HTT: variants seen among roughly 807,000 people sequenced by gnomAD.
HTT encodes the protein huntington disease protein.
In HTT, 104 loss-of-function variants were observed where a neutral mutation model predicts 362.3. The ratio of observed to expected loss-of-function variants is 0.29; its 90% CI spans 0.24 to 0.34. HTT has a LOEUF of 0.34. Ranked by LOEUF, HTT falls within the 10% of genes least tolerant of loss-of-function variation. HTT has a pLI of 1.00. For missense variants in HTT, 3,301 were observed against 3,928.6 expected (o/e 0.84, Z 4.27); for synonymous variants, 1,577 against 1,548.7 (o/e 1.02, Z -0.43).
At chr4:3,127,932 C>G (rs536622753) in intron 12 of HTT, among the ~76,000 whole-genome samples, 28 of 151,962 alleles carry the variant, frequency 1.8e-4, no homozygotes, top group African/African-American at 6.5e-4. Context: ...ACACTGCACT[C>G]CAGCCCGGGC....
intron 7 of HTT, among the ~76,000 whole-genome samples, chr4:3,115,768 C>G (rs1398697445): frequency 6.6e-6 from 1 of 152,176 alleles, no homozygotes; most frequent in East Asian, 1.9e-4. Flanking sequence ...TGCGGGTTCT[C>G]TGTAGGTCAG....
intron 61 of HTT, among the ~76,000 whole-genome samples, chr4:3,234,656 GGT>G (rs1721432488): frequency 6.6e-6 from 1 of 152,214 alleles, no homozygotes; most frequent in East Asian, 1.9e-4. Context: ...AGGTAGAAAT[GGT>G]GCGTGGGGCT....
chr4:3,164,549 G>A (rs1185927101), intron 29 of HTT, among the ~76,000 whole-genome samples: 1 of 152,098 alleles, frequency 6.6e-6, no homozygotes, highest in African/African-American at 2.4e-5. Flanking sequence ...CACTATTACC[G>A]GGTGGGAGTC....
chr4:3,163,506 A>C (rs946876403), intron 29 of HTT, among the ~76,000 whole-genome samples: 4 of 152,206 alleles, frequency 2.6e-5, no homozygotes, highest in African/African-American at 9.7e-5. Context: ...GAATGGTACC[A>C]TCTCCTCTTT....
intron 1 of HTT, among the ~76,000 whole-genome samples, chr4:3,079,042 T>A (rs966302873): frequency 2.6e-5 from 4 of 152,090 alleles, no homozygotes; most frequent in Admixed American, 6.6e-5. Flanking sequence ...TGAGCCACTG[T>A]GCCCGGCCAC....
intron 3 of HTT, among the ~76,000 whole-genome samples, chr4:3,101,155 G>C (rs1358517109): frequency 2.0e-5 from 3 of 152,216 alleles, no homozygotes; most frequent in African/African-American, 7.2e-5. Context: ...AACAGAAACT[G>C]TTCTAATATT....
rs549267447 is a variant in HTT at position 3,148,581 on chromosome 4, A to G, written c.3498+374A>G. Among the ~76,000 whole-genome samples the G allele has an allele frequency of 6.4e-4, 97 of 152,186 alleles. No individual in the cohort carries two copies. The South Asian group carries it at 0.019, about 30-fold the overall frequency. ...GGGAGGCCGAGGTGGGCGGATCACGAGGTCAAGAGATCAAGACCATCCTGG... is the reference window on the plus strand; with the variant it reads ...GGGAGGCCGAGGTGGGCGGATCACGGGGTCAAGAGATCAAGACCATCCTGG... On this transcript the variant is annotated intron_variant, in intron 26 of 66. Transcript: ENST00000355072.
At chr4:3,222,509 G>A in intron 54 of HTT, 22 bp downstream of exon 54, 1 of 1,582,942 alleles carries the variant, frequency 6.3e-7, no homozygotes, top group Non-Finnish European at 8.7e-7. Flanking sequence ...CCCTGTGCTG[G>A]TTGGCACATG....
At position 3,228,581 on chromosome 4, in the gene HTT, C is replaced by T. The variant is rs774533596; in HGVS notation, c.7849-34C>T. 2.2e-5 allele frequency: 34 copies of T among 1,525,614 alleles called. No individual in the cohort carries two copies. In the South Asian group the frequency reaches 2.3e-4, roughly 10 times the overall value. 94.5% of individuals were successfully genotyped at this position (1,525,614 alleles called of 1,614,324 possible). On this transcript the variant is annotated intron_variant, in intron 57 of 66. Transcript: ENST00000355072. This position sits in a 1 kb window ranked among gnomAD's most constrained non-coding sequence, Gnocchi z 4.3. Reference sequence around the variant, plus strand: ...CCCACCAGGAGCCTGGCACTGTGGCCGCAGCACTGAGCAGTGCCCCGTTTC... The same window carrying T: ...CCCACCAGGAGCCTGGCACTGTGGCTGCAGCACTGAGCAGTGCCCCGTTTC...
Position 3,172,882 on chromosome 4 carries a change from T to C in HTT, c.3943-26T>C, listed in dbSNP as rs1216262096. On this transcript the variant is annotated intron_variant, in intron 30 of 66. Coordinates refer to ENST00000355072, the MANE Select transcript of HTT (RefSeq NM_001388492.1). ...TAAAAGTGTTGTTCACGCCACATTG[T>C]TGATGCCTCATTTTTTTCACTGTAG... The C allele has an allele frequency of 4.6e-6, 7 of 1,514,004 alleles. No individual in the cohort carries two copies. The Admixed American group carries it at 1.2e-4, about 25-fold the overall frequency. The allele number at this position is 1,514,004 out of a possible 1,614,324, so 93.8% of individuals were successfully genotyped here.
At position 3,086,658 on chromosome 4, in the gene HTT, A is replaced by G. The variant is rs11943917; in HGVS notation, c.264-281A>G. Among the ~76,000 whole-genome samples the G allele has an allele frequency of 6.2e-3, 946 of 152,298 alleles. 11 individuals carry two copies. The highest frequency in any genetic ancestry group is 0.022 in the African/African-American group (914 of 41,562). On this transcript the variant is annotated intron_variant, in intron 1 of 66. Transcript: ENST00000355072. ...CGTACTCCAGCCTGGGCAGCAGAGC[A>G]AGATCCTGACTCTAAAAAAAAGTAA...
chr4:3,136,018 G>C, intron 20 of HTT, 51 bp downstream of exon 20: 1 of 1,310,090 alleles, frequency 7.6e-7, no homozygotes, highest in Non-Finnish European at 1.1e-6. Flanking sequence ...GAAGGTGAAA[G>C]TGAGGCTTTC....
At position 3,084,613 on chromosome 4, in the gene HTT, C is replaced by T. The variant is rs568588014; in HGVS notation, c.264-2326C>T. Among the ~76,000 whole-genome samples the T allele has an allele frequency of 5.0e-4, 76 of 151,352 alleles. 2 individuals are homozygous for T. Among genetic ancestry groups the T allele is most frequent in the Admixed American group, 2.3e-3 (35 of 15,206 alleles). ...GCTGAGGCAAGAGAACTGCTTGAACCCGAGGGGCAGAGGTTGCAGTGAGCT... is the reference window on the plus strand; with the variant it reads ...GCTGAGGCAAGAGAACTGCTTGAACTCGAGGGGCAGAGGTTGCAGTGAGCT... On this transcript the variant is annotated intron_variant, in intron 1 of 66. Transcript: ENST00000355072.
At chr4:3,230,187 G>A (rs1394036407) in intron 60 of HTT, 145 bp downstream of exon 60, 1 of 655,672 alleles carries the variant, frequency 1.5e-6, no homozygotes, top group South Asian at 1.8e-5. Context: ...CACGTGAGCT[G>A]CAGTGCTTCT....
chr4:3,209,731 GT>G, intron 46 of HTT, 95 bp from the exon 47 acceptor site: 1 of 1,485,032 alleles, frequency 6.7e-7, no homozygotes, highest in Non-Finnish European at 9.2e-7. Context: ...CTAGTGCGGT[GT>G]TCCCAAGCAC....
chr4:3,232,270 G>A (rs982860429), intron 60 of HTT, among the ~76,000 whole-genome samples: 16 of 152,120 alleles, frequency 1.1e-4, no homozygotes, highest in African/African-American at 2.9e-4. Flanking sequence ...TGTGTCGTCC[G>A]GCCATTTCCC....
intron 54 of HTT, among the ~76,000 whole-genome samples, chr4:3,223,031 G>A (rs571798321): frequency 5.3e-5 from 8 of 152,324 alleles, no homozygotes; most frequent in Non-Finnish European, 1.0e-4. Context: ...ACAGTTTGGA[G>A]GGTAGACATA....
intron 24 of HTT, among the ~76,000 whole-genome samples, chr4:3,146,410 C>A (rs1421333116): frequency 1.3e-5 from 2 of 152,202 alleles, no homozygotes; most frequent in African/African-American, 4.8e-5. Context: ...CACTATTTTT[C>A]CATAGTAATA....
At chr4:3,163,507 T>C (rs1717544533) in intron 29 of HTT, among the ~76,000 whole-genome samples, 1 of 152,194 alleles carries the variant, frequency 6.6e-6, no homozygotes, top group Admixed American at 6.5e-5. Context: ...AATGGTACCA[T>C]CTCCTCTTTG....
Sources: allele counts gnomAD v4.1 joint callset (sites outside exome capture counted in the v4.1 genomes callset), GRCh38; gene constraint gnomAD v4.1.1; non-coding constraint Gnocchi (gnomAD v3.1); transcripts MANE v1.5; gene names NCBI Gene and HGNC (gene_info 2026-07-23, HGNC 2026-07-21).